Variants in SAP130 observed in about 807,000 individuals in gnomAD.
The protein encoded by SAP130 is histone deacetylase complex subunit SAP130.
A neutral mutation model predicts 103.2 loss-of-function variants in SAP130; 16 were observed. That is an observed-to-expected ratio of 0.16 (90% CI 0.10 to 0.24). The LOEUF (loss-of-function observed/expected upper bound fraction) is 0.24. SAP130 is among the 10% of genes least tolerant of loss of function. The probability of loss-of-function intolerance (pLI) is 1.00; values close to 1 mark genes in which losing one functional copy is unlikely to be tolerated. For missense variants in SAP130, 990 were observed against 1,359.7 expected, an observed-to-expected ratio of 0.73 and a Z score of 4.28; for synonymous variants, 477 against 497.0, an observed-to-expected ratio of 0.96 and a Z score of 0.53.
At chr2:127,960,891 C>G (rs1357697728) in intron 15 of SAP130, among the ~76,000 whole-genome samples, 1 of 152,036 alleles carries the variant, frequency 6.6e-6, no homozygotes, top group Non-Finnish European at 1.5e-5. Context: ...GTTTTAAAAC[C>G]TTGTTTCTCA....
chr2:127,984,342 G>A (rs1682214028), intron 14 of SAP130, among the ~76,000 whole-genome samples: 1 of 152,148 alleles, frequency 6.6e-6, no homozygotes, highest in African/African-American at 2.4e-5. Context: ...CTCCCTGCCA[G>A]GCCTCTACAT....
At chr2:128,000,485 G>A (rs778092922) in intron 7 of SAP130, 31 bp from the exon 8 acceptor site, 39 of 1,612,292 alleles carry the variant, frequency 2.4e-5, no homozygotes, top group South Asian at 5.5e-5. Flanking sequence ...CAATGCAGAT[G>A]GGCAAGGTCA....
At chr2:128,021,098 A>AG (rs1685121023) in intron 2 of SAP130, among the ~76,000 whole-genome samples, 1 of 152,176 alleles carries the variant, frequency 6.6e-6, no homozygotes, top group Non-Finnish European at 1.5e-5. Flanking sequence ...TTTTATCAAC[A>AG]ATCTTGTCCA....
intron 4 of SAP130, among the ~76,000 whole-genome samples, chr2:128,015,249 T>C (rs1412093637): frequency 1.3e-5 from 2 of 152,218 alleles, no homozygotes; most frequent in African/African-American, 2.4e-5. Flanking sequence ...TTATTTTTTT[T>C]CCCATTCTCA....
In SAP130 at chr2:128,017,483, T is replaced by C. The variant is rs1226361959; in HGVS notation, c.348+197A>G. 3.9e-5 allele frequency among the ~76,000 whole-genome samples: 6 copies of C among 152,186 alleles called. No individual in the cohort carries two copies. In the East Asian group the frequency reaches 1.2e-3, roughly 29 times the overall value. ...ATGGATAACAGCAAAGATCCTATGA[T>C]GCCAACTGCCCAGCAGCACAAGACA... is the stretch of plus-strand genomic sequence containing the variant. On this transcript the variant is annotated intron_variant, in intron 3 of 20. Coordinates refer to ENST00000643581, the MANE Select transcript of SAP130 (RefSeq NM_001330301.2).
intron 1 of SAP130, chr2:128,027,061 C>A: frequency 7.1e-7 from 1 of 1,405,558 alleles, no homozygotes; most frequent in Non-Finnish European, 9.4e-7. Flanking sequence ...TCTGGGGACC[C>A]GACCACAAGA....
At chr2:127,977,954 G>C in intron 15 of SAP130, 31 bp downstream of exon 15, 1 of 1,460,666 alleles carries the variant, frequency 6.8e-7, no homozygotes, top group Non-Finnish European at 9.4e-7. Flanking sequence ...GTGGGTAAAA[G>C]CAAGAGTGCG....
At chr2:127,948,278 T>C (rs1237054422) in intron 18 of SAP130, among the ~76,000 whole-genome samples, 1 of 152,040 alleles carries the variant, frequency 6.6e-6, no homozygotes, top group Non-Finnish European at 1.5e-5. Flanking sequence ...TCTGCCACAT[T>C]ACTATGTGTT....
intron 2 of SAP130, among the ~76,000 whole-genome samples, chr2:128,025,239 C>A (rs915611249): frequency 6.6e-6 from 1 of 152,218 alleles, no homozygotes; most frequent in African/African-American, 2.4e-5. Context: ...GGGGGGCTTC[C>A]CATTACCTTG....
intron 15 of SAP130, among the ~76,000 whole-genome samples, chr2:127,965,405 G>A (rs957785893): frequency 9.9e-5 from 15 of 152,144 alleles, no homozygotes; most frequent in African/African-American, 3.6e-4. Flanking sequence ...GGTCAAGGCT[G>A]CAGTGAGCCA....
At chr2:128,013,256 G>T in intron 5 of SAP130, 102 bp from the exon 6 acceptor site, 2 of 1,128,736 alleles carry the variant, frequency 1.8e-6, no homozygotes, top group East Asian at 2.8e-5. Flanking sequence ...ATATCGAGCT[G>T]AAGTATGGTA....
chr2:127,960,752 C>G (rs992978311), intron 15 of SAP130, among the ~76,000 whole-genome samples: 30 of 152,076 alleles, frequency 2.0e-4, no homozygotes, highest in African/African-American at 7.2e-4. Flanking sequence ...TCTCAGCATT[C>G]TACTGACTCT....
intron 15 of SAP130, among the ~76,000 whole-genome samples, chr2:127,956,002 T>C (rs978425451): frequency 2.6e-5 from 4 of 152,200 alleles, no homozygotes; most frequent in African/African-American, 9.6e-5. Flanking sequence ...TTCCTTAATA[T>C]ATATGTTGTC....
At chr2:127,964,708 C>T (rs1451575361) in intron 15 of SAP130, among the ~76,000 whole-genome samples, 1 of 151,844 alleles carries the variant, frequency 6.6e-6, no homozygotes, top group African/African-American at 2.4e-5. Flanking sequence ...AGAAAAGAGA[C>T]TAACACTGGC....
chr2:127,973,198 A>G (rs952184178), intron 15 of SAP130, among the ~76,000 whole-genome samples: 1 of 152,114 alleles, frequency 6.6e-6, no homozygotes, highest in African/African-American at 2.4e-5. Context: ...ACCAGCACGG[A>G]CTTCTACTTC....
At chr2:128,026,095 C>A in intron 2 of SAP130, 86 bp downstream of exon 2, 1 of 880,354 alleles carries the variant, frequency 1.1e-6, no homozygotes, top group Non-Finnish European at 1.8e-6. Context: ...TACTAAAATC[C>A]TAGAAGAATC....
chr2:127,944,398 CA>C (rs1357363239), intron 19 of SAP130, among the ~76,000 whole-genome samples: 2 of 151,082 alleles, frequency 1.3e-5, no homozygotes, highest in Admixed American at 6.7e-5. Context: ...AGACACAGTA[CA>C]GCCTGGGCAA....
chr2:127,961,915 G>C (rs775938510), intron 15 of SAP130, among the ~76,000 whole-genome samples: 3 of 152,174 alleles, frequency 2.0e-5, no homozygotes, highest in Non-Finnish European at 4.4e-5. Context: ...GCATTTCAGA[G>C]TGGAGCTGTC....
At chr2:128,008,649 G>T (rs1173718240) in intron 7 of SAP130, among the ~76,000 whole-genome samples, 1 of 150,486 alleles carries the variant, frequency 6.6e-6, no homozygotes, top group Non-Finnish European at 1.5e-5. Context: ...GGGGTTACGG[G>T]CACGAGCCAC....
Sources: gnomAD v4.1 joint callset for allele counts (sites outside exome capture counted in the v4.1 genomes callset) on GRCh38, gnomAD v4.1.1 for gene constraint, MANE v1.5 for transcripts, NCBI Gene and HGNC (gene_info 2026-07-23, HGNC 2026-07-21) for gene names.